ATP11A: variants seen among roughly 807,000 people sequenced by gnomAD.
ATP11A encodes ATPase phospholipid transporting 11A.
A neutral mutation model predicts 154.4 loss-of-function variants in ATP11A; 81 were observed. That is an observed-to-expected ratio of 0.52 (90% confidence interval 0.44 to 0.63). The LOEUF (loss-of-function observed/expected upper bound fraction) is 0.63, where lower values mean the gene tolerates loss of function less well. ATP11A is among the 30% of genes least tolerant of loss of function. The probability of loss-of-function intolerance (pLI) is 0.00; values close to 1 mark genes in which losing one functional copy is unlikely to be tolerated. For missense variants in ATP11A, 1,316 were observed against 1,474.3 expected (o/e 0.89, Z 1.76); for synonymous variants, 623 against 585.9 (o/e 1.06, Z -0.91).
chr13:112,747,232 C>G (rs528574579), intron 1 of ATP11A: 2 of 152,262 alleles, frequency 1.3e-5, no homozygotes, highest in South Asian at 4.2e-4. Context: ...GGTGCAGCCT[C>G]AGGGCCAGGG....
intron 20 of ATP11A, 100 bp downstream of exon 20, chr13:112,856,185 A>C: frequency 8.3e-7 from 1 of 1,202,438 alleles, no homozygotes; most frequent in Non-Finnish European, 1.2e-6. Flanking sequence ...ACAATCTAGC[A>C]GGGTACCACC....
chr13:112,695,713 A>AT (rs1200443261), intron 1 of ATP11A, among the ~76,000 whole-genome samples: 1 of 152,218 alleles, frequency 6.6e-6, no homozygotes, highest in Non-Finnish European at 1.5e-5. Flanking sequence ...ACTACACATG[A>AT]AATCCTCTAT....
chr13:112,836,106 G>T, intron 15 of ATP11A, 72 bp from the exon 16 acceptor site: 2 of 1,126,380 alleles, frequency 1.8e-6, no homozygotes, highest in Non-Finnish European at 2.7e-6. Flanking sequence ...GCTGTGGAGA[G>T]CTCCACAGTT....
intron 5 of ATP11A, among the ~76,000 whole-genome samples, chr13:112,812,829 C>T (rs750509400): frequency 1.1e-4 from 17 of 152,216 alleles, no homozygotes; most frequent in Non-Finnish European, 2.5e-4. Context: ...GAGCAGATGG[C>T]CCTGGCCTGG....
chr13:112,753,351 C>T lies in ATP11A; in HGVS notation c.40-31784C>T, dbSNP rs17762232. 0.062 allele frequency among the ~76,000 whole-genome samples: 9,437 copies of T among 152,250 alleles called. 411 individuals carry two copies. Among genetic ancestry groups the T allele is most frequent in the Non-Finnish European group, 0.097 (6,579 of 68,004 alleles). The stretch of plus-strand genomic sequence containing the variant: ...ATTTCTGCGAGGACAGCTTTGGGAT[C>T]GCTTTGGAGAAGGGAGATTTCTGAG... On this transcript the variant is annotated intron_variant, in intron 1 of 29. Coordinates refer to ENST00000375645, the MANE Select transcript of ATP11A (RefSeq NM_015205.3). The surrounding 1 kb of genome is among the most constrained non-coding windows in gnomAD (Gnocchi z 4.1).
Position 112,779,287 on chromosome 13 carries a change from A to C in ATP11A, c.40-5848A>C, listed in dbSNP as rs559825563. 6.1e-5 allele frequency among the ~76,000 whole-genome samples: 4 copies of C among 65,576 alleles called. No individual in the cohort carries two copies. The South Asian group carries it at 2.6e-3, about 43-fold the overall frequency. The allele number at this position is 65,576 out of a possible 152,430, so 43.0% of individuals were successfully genotyped here. A position where few individuals can be genotyped will look rare whatever the true frequency, so the allele number is the denominator to read the frequency against. On this transcript the variant is annotated intron_variant, in intron 1 of 29. Transcript: ENST00000375645. ...GTAGCCGCTGGAGTGAGGAGTAGCC[A>C]CTGGGGTGAGTAGCCGCTGGAGTGA...
intron 1 of ATP11A, among the ~76,000 whole-genome samples, chr13:112,712,433 C>T (rs1291128823): frequency 6.6e-6 from 1 of 152,184 alleles, no homozygotes; most frequent in Non-Finnish European, 1.5e-5. Flanking sequence ...CCACACCAGC[C>T]TTTATCCAAG....
intron 8 of ATP11A, among the ~76,000 whole-genome samples, chr13:112,821,566 C>T (rs2078798286): frequency 1.3e-5 from 2 of 152,184 alleles, no homozygotes; most frequent in African/African-American, 4.8e-5. Flanking sequence ...CCACCTCGGC[C>T]TCCTAGAGTA....
At chr13:112,699,623 T>C (rs537200718) in intron 1 of ATP11A, among the ~76,000 whole-genome samples, 1 of 152,356 alleles carries the variant, frequency 6.6e-6, no homozygotes, top group African/African-American at 2.4e-5. Context: ...AGAAGGGTTT[T>C]AACTTCTGTT....
At chr13:112,809,908 G>C (rs759759499) in intron 4 of ATP11A, among the ~76,000 whole-genome samples, 2 of 152,208 alleles carry the variant, frequency 1.3e-5, no homozygotes, top group South Asian at 4.1e-4. Context: ...ACGTGTCTGC[G>C]CCAGTGGAAG....
chr13:112,770,686 G>A (rs550787029), intron 1 of ATP11A, among the ~76,000 whole-genome samples: 1 of 152,208 alleles, frequency 6.6e-6, no homozygotes, highest in Non-Finnish European at 1.5e-5. Flanking sequence ...AGCAAGGCCC[G>A]CACGCCCACC....
chr13:112,782,311 C>T (rs888254636), intron 1 of ATP11A, among the ~76,000 whole-genome samples: 6 of 152,132 alleles, frequency 3.9e-5, no homozygotes, highest in African/African-American at 1.4e-4. Context: ...GGGAAGCGTT[C>T]AGCTTTCCAA....
intron 1 of ATP11A, among the ~76,000 whole-genome samples, chr13:112,721,482 A>C (rs1017513366): frequency 6.6e-6 from 1 of 152,204 alleles, no homozygotes; most frequent in African/African-American, 2.4e-5. Context: ...AGGTGGTGTC[A>C]CCCTGGCAGC....
At chr13:112,832,751 C>T in intron 13 of ATP11A, 109 bp from the exon 14 acceptor site, 1 of 1,381,178 alleles carries the variant, frequency 7.2e-7, no homozygotes, top group South Asian at 1.4e-5. Flanking sequence ...GCCTTCGTGG[C>T]CGCGGGGACC....
rs899121118 is a variant in ATP11A, at chr13:112,885,674, C to T, written c.*3808C>T. 1 of 152,306 alleles carries T rather than the reference C, an allele frequency of 6.6e-6. No homozygotes were observed. The highest frequency in any genetic ancestry group is 2.4e-5 in the African/African-American group (1 of 41,472). The allele number at this position is 152,306 out of a possible 1,614,324, so 9.4% of individuals were successfully genotyped here. ...CTGCAGGCGTGAATACACACATGCA[C>T]ACACATATACACACATGTGCCACAA... On this transcript the variant is annotated 3_prime_UTR_variant, in exon 30 of 30. Coordinates refer to ENST00000375645, the MANE Select transcript of ATP11A (RefSeq NM_015205.3).
At chr13:112,872,282 T>C (rs1041399274) in intron 26 of ATP11A, among the ~76,000 whole-genome samples, 1 of 152,242 alleles carries the variant, frequency 6.6e-6, no homozygotes, top group Non-Finnish European at 1.5e-5. Context: ...TAAGGTGATT[T>C]TCTTAGATAG....
chr13:112,740,322 G>A (rs186379164), intron 1 of ATP11A, among the ~76,000 whole-genome samples: 101 of 152,018 alleles, frequency 6.6e-4, no homozygotes, highest in African/African-American at 2.0e-3. Context: ...GATTACTGGC[G>A]CACCACCACA....
intron 1 of ATP11A, among the ~76,000 whole-genome samples, chr13:112,694,760 A>T (rs1329811133): frequency 2.0e-5 from 3 of 152,188 alleles, no homozygotes; most frequent in African/African-American, 7.2e-5. Flanking sequence ...GCTTCTTAAC[A>T]TTCTAAGATA....
intron 29 of ATP11A, chr13:112,880,988 G>C: frequency 1.0e-6 from 1 of 991,490 alleles, no homozygotes; most frequent in Non-Finnish European, 1.2e-6. Flanking sequence ...GAAGGACCGT[G>C]CTTTGAAATC....
Sources: allele counts gnomAD v4.1 joint callset (sites outside exome capture counted in the v4.1 genomes callset), GRCh38; gene constraint gnomAD v4.1.1; non-coding constraint Gnocchi (gnomAD v3.1); transcripts MANE v1.5; gene names NCBI Gene and HGNC (gene_info 2026-07-23, HGNC 2026-07-21).